The following ZNF248 variants were observed in gnomAD, a reference collection of about 807,000 sequenced individuals.
ZNF248 encodes the protein KRAB protein domain.
ZNF248 carries 20 observed loss-of-function variants against 44.3 expected under a neutral mutation model. The observed-to-expected ratio is 0.45, with a 90% CI of 0.32 to 0.66. The LOEUF is 0.66. Among genes scored for constraint, ZNF248 ranks in the 30% least tolerant of loss-of-function variants. The pLI is 0.04. For synonymous variants in ZNF248, 224 were observed against 229.0 expected (o/e 0.98, Z 0.20); for missense variants, 654 against 677.0 (o/e 0.97, Z 0.38).
rs1161836799 is a variant in ZNF248, at chr10:37,828,908, G to C, written c.*2707C>G. 2 of 985,422 alleles carry C rather than the reference G, an allele frequency of 2.0e-6. No individual in the cohort carries two copies. The highest frequency in any genetic ancestry group is 2.4e-6 in the Non-Finnish European group (2 of 829,940). The allele number at this position is 985,422 out of a possible 1,614,324, so 61.0% of individuals were successfully genotyped here. A position where few individuals can be genotyped will look rare whatever the true frequency, so the allele number is the denominator to read the frequency against. ...CATGTTGAAGGAGAGACATACCTGT[G>C]TAGTTCCAAAGGGAGTTTACTTATG... On this transcript the variant is annotated 3_prime_UTR_variant, in exon 6 of 6. Transcript: ENST00000395867.
Position 37,832,018 on chromosome 10 carries a change from C to T in ZNF248, c.1337G>A (p.Cys446Tyr). The change falls in exon 6 of 6, where the codon TGT (cysteine) becomes TAT (tyrosine). Residue 446 changes from cysteine to tyrosine, a missense_variant. Transcript: ENST00000395867. ...ATGTTCAGTGAGGTTTGACTTCACACAGAATGTTTTTCCACATTGCTTACA... is the reference window on the plus strand; with the variant it reads ...ATGTTCAGTGAGGTTTGACTTCACATAGAATGTTTTTCCACATTGCTTACA... ...YECKQCGKTF[C>Y]VKSNLTEHQR... The T allele has an allele frequency of 6.2e-7, 1 of 1,614,068 alleles. No homozygotes were observed. Among genetic ancestry groups the T allele is most frequent in the Non-Finnish European group, 8.5e-7 (1 of 1,179,938 alleles).
At chr10:37,854,448 T>C (rs570456044) in intron 3 of ZNF248, among the ~76,000 whole-genome samples, 1 of 152,180 alleles carries the variant, frequency 6.6e-6, no homozygotes, top group Non-Finnish European at 1.5e-5. Context: ...AAAATAAATA[T>C]AAGACACCCT....
At chr10:37,820,806 G>C (rs1294675334) in intron 6 of ZNF248, 2 of 1,186,764 alleles carry the variant, frequency 1.7e-6, no homozygotes, top group Non-Finnish European at 2.5e-6. Context: ...TTTGCCTTTT[G>C]TTTCCTGATT....
At chr10:37,841,165 A>G (rs905967710) in intron 3 of ZNF248, among the ~76,000 whole-genome samples, 4 of 152,164 alleles carry the variant, frequency 2.6e-5, no homozygotes, top group African/African-American at 9.7e-5. Context: ...GTAAAATTTT[A>G]TCTGTGGATT....
intron 6 of ZNF248, among the ~76,000 whole-genome samples, chr10:37,807,625 T>G (rs1437842510): frequency 6.6e-6 from 1 of 152,206 alleles, no homozygotes. Context: ...TAGTTTTCAG[T>G]GTACAAGTCT....
chr10:37,808,940 G>C (rs978894191), intron 6 of ZNF248, among the ~76,000 whole-genome samples: 3 of 151,868 alleles, frequency 2.0e-5, no homozygotes, highest in Non-Finnish European at 4.4e-5. Context: ...ATTTCTTCAT[G>C]AGTCAGTATT....
chr10:37,818,828 C>CT, intron 6 of ZNF248: 1 of 914,338 alleles, frequency 1.1e-6, no homozygotes, highest in Admixed American at 1.8e-5. Flanking sequence ...ACTTCAGCAG[C>CT]TTTAAGAATA....
chr10:37,763,751 CA>C, the ZNF248 span, among the ~76,000 whole-genome samples: 1 of 152,182 alleles, frequency 6.6e-6, no homozygotes, highest in Non-Finnish European at 1.5e-5. Context: ...GGCAGAAGAA[CA>C]TAAATTGTGA....
intron 3 of ZNF248, among the ~76,000 whole-genome samples, chr10:37,852,363 A>T (rs2060424017): frequency 6.6e-6 from 1 of 152,340 alleles, no homozygotes; most frequent in East Asian, 1.9e-4. Context: ...TACTGAGTGA[A>T]AAAAGCTAAC....
In ZNF248 at chr10:37,829,955, G is replaced by C. The variant is rs1423870835; in HGVS notation, c.*1660C>G. ...AAAAATATAAAATTTAGCTCAGCAA[G>C]GATGAAGTAGGGAATGGCCATCATG... On this transcript the variant is annotated 3_prime_UTR_variant, in exon 6 of 6. Coordinates refer to ENST00000395867, the MANE Select transcript of ZNF248 (RefSeq NM_021045.3). The C allele has an allele frequency of 1.0e-6, 1 of 985,298 alleles. No homozygotes were observed. 61.0% of individuals were successfully genotyped at this position (985,298 alleles called of 1,614,324 possible).
intron 5 of ZNF248, among the ~76,000 whole-genome samples, chr10:37,835,817 T>C (rs925846163): frequency 4.6e-5 from 7 of 152,204 alleles, no homozygotes; most frequent in Admixed American, 3.9e-4. Context: ...TTCTGCCTCA[T>C]TCCTTTAACA....
chr10:37,852,080 T>C (rs2060362897), intron 3 of ZNF248, among the ~76,000 whole-genome samples: 1 of 152,004 alleles, frequency 6.6e-6, no homozygotes, highest in Non-Finnish European at 1.5e-5. Context: ...AAACCCTGTC[T>C]CTACTAAAAA....
At chr10:37,791,134 C>G (rs907408784) in intron 6 of ZNF248, among the ~76,000 whole-genome samples, 29 of 141,166 alleles carry the variant, frequency 2.1e-4, no homozygotes, top group Admixed American at 1.6e-3. Flanking sequence ...ACCTGCTTCC[C>G]GGGTTCACGC....
the ZNF248 span, among the ~76,000 whole-genome samples, chr10:37,764,245 T>A: frequency 3.3e-5 from 5 of 152,172 alleles, no homozygotes; most frequent in Non-Finnish European, 5.9e-5. Flanking sequence ...TGGTTGAAGA[T>A]AAGGGATGAA....
chr10:37,820,742 G>A (rs924601072), intron 6 of ZNF248: 55 of 1,309,884 alleles, frequency 4.2e-5, no homozygotes, highest in Non-Finnish European at 5.4e-5. Flanking sequence ...GCTCTGGTTG[G>A]AAGACTCACT....
intron 6 of ZNF248, among the ~76,000 whole-genome samples, chr10:37,808,030 G>A (rs566798676): frequency 6.6e-6 from 1 of 152,080 alleles, no homozygotes; most frequent in Admixed American, 6.5e-5. Flanking sequence ...TACACATGTT[G>A]ATTTATCACA....
At chr10:37,781,445 G>A (rs935593957) in intron 6 of ZNF248, among the ~76,000 whole-genome samples, 4 of 152,196 alleles carry the variant, frequency 2.6e-5, no homozygotes, top group Admixed American at 1.3e-4. Flanking sequence ...GTGCCATCCA[G>A]GACAAGCCCC....
At chr10:37,819,005 C>T in intron 6 of ZNF248, 3 of 911,178 alleles carry the variant, frequency 3.3e-6, no homozygotes, top group Non-Finnish European at 3.7e-6. Context: ...GCAATAAGTG[C>T]CAGCACCTTG....
intron 2 of ZNF248, 27 bp downstream of exon 2, chr10:37,856,408 A>T (rs1237341169): frequency 5.0e-6 from 8 of 1,586,696 alleles, no homozygotes; most frequent in Non-Finnish European, 6.8e-6. Context: ...TCACCTGCCT[A>T]TACAGGTCCA....
Sources: allele counts gnomAD v4.1 joint callset (sites outside exome capture counted in the v4.1 genomes callset), GRCh38; gene constraint gnomAD v4.1.1; transcripts MANE v1.5; gene names NCBI Gene and HGNC (gene_info 2026-07-23, HGNC 2026-07-21).